CLPB: variants seen among roughly 807,000 people sequenced by gnomAD.
The protein encoded by CLPB is mitochondrial disaggregase.
CLPB carries 40 observed loss-of-function variants against 78.4 expected under a neutral mutation model. That is an observed-to-expected ratio of 0.51 (90% CI 0.40 to 0.66). The LOEUF (loss-of-function observed/expected upper bound fraction) is 0.66, where lower values mean the gene tolerates loss of function less well. Among genes scored for constraint, CLPB ranks in the 30% least tolerant of loss-of-function variants. The pLI is 0.00. For missense variants in CLPB, 780 were observed against 886.9 expected, an observed-to-expected ratio of 0.88 and a Z score of 1.53; for synonymous variants, 333 against 348.0, an observed-to-expected ratio of 0.96 and a Z score of 0.48.
chr11:72,378,944 G>C (rs1854809679), intron 4 of CLPB, among the ~76,000 whole-genome samples: 1 of 152,200 alleles, frequency 6.6e-6, no homozygotes, highest in East Asian at 1.9e-4. Context: ...GTCAAGGACA[G>C]GGAAGCCTTT....
chr11:72,434,328 C>A lies in CLPB; in HGVS notation c.147G>T (p.Arg49Ser), dbSNP rs777873235. The A allele has an allele frequency of 3.7e-6, 6 of 1,612,318 alleles. No individual in the cohort carries two copies. In the East Asian group the frequency reaches 1.1e-4, roughly 30 times the overall value. The change falls in exon 1 of 16, where the codon AGG becomes AGT. Residue 49 changes from arginine to serine, a missense_variant. Physicochemically the swap from Arg to Ser is moderately radical, Grantham distance 110. Around this residue, in one of 3 missense-constraint regions of CLPB, gnomAD observed 417 missense variants for 414.7 expected, o/e 1.01. Coordinates refer to ENST00000538039, the MANE Select transcript of CLPB (RefSeq NM_001258392.3). Reference sequence around the variant, plus strand: ...TTCCAGGGCGCCCCCCGGTGGCTACCCTCAGCCACTGCGGCTCCCCGAGAC... The same window carrying A: ...TTCCAGGGCGCCCCCCGGTGGCTACACTCAGCCACTGCGGCTCCCCGAGAC... The part of the protein sequence containing the change: ...TGSLGEPQWL[R>S]VATGGRPGTS...
chr11:72,388,949 C>T (rs1378749499), intron 3 of CLPB, among the ~76,000 whole-genome samples: 1 of 152,066 alleles, frequency 6.6e-6, no homozygotes, highest in Non-Finnish European at 1.5e-5. Flanking sequence ...CAGGGAGTGC[C>T]AAGAAGTTCA....
intron 9 of CLPB, among the ~76,000 whole-genome samples, chr11:72,306,136 C>T (rs1490940202): frequency 6.6e-6 from 1 of 152,204 alleles, no homozygotes; most frequent in Non-Finnish European, 1.5e-5. Flanking sequence ...TGGGTCTGCT[C>T]CAGGTTTGGT....
intron 2 of CLPB, among the ~76,000 whole-genome samples, chr11:72,417,736 T>TGG (rs1341837881): frequency 6.6e-6 from 1 of 152,014 alleles, no homozygotes; most frequent in Non-Finnish European, 1.5e-5. Context: ...GAAGCTAAAG[T>TGG]GGGGACCTGA....
At chr11:72,418,854 C>CAAAAA (rs913728201) in intron 2 of CLPB, among the ~76,000 whole-genome samples, 14 of 75,132 alleles carry the variant, frequency 1.9e-4, no homozygotes, top group Admixed American at 3.2e-4. Flanking sequence ...ACTCCATCTC[C>CAAAAA]AAAAAAAAAA....
At chr11:72,296,778 A>G (rs747294779) in intron 11 of CLPB, among the ~76,000 whole-genome samples, 2 of 152,204 alleles carry the variant, frequency 1.3e-5, no homozygotes, top group Non-Finnish European at 2.9e-5. Flanking sequence ...AGCGTCCGGT[A>G]CAGAGTAGGT....
chr11:72,372,489 C>G (rs920803793), intron 4 of CLPB, among the ~76,000 whole-genome samples: 1 of 152,162 alleles, frequency 6.6e-6, no homozygotes, highest in Non-Finnish European at 1.5e-5. Context: ...AGGAGTGAAG[C>G]TTAAAGTGGC....
chr11:72,405,641 C>T (rs538778062), intron 2 of CLPB, among the ~76,000 whole-genome samples: 1 of 152,202 alleles, frequency 6.6e-6, no homozygotes, highest in African/African-American at 2.4e-5. Flanking sequence ...TCAGAATCCT[C>T]TTCAAGGCCG....
chr11:72,403,049 C>T lies in CLPB; in HGVS notation c.459G>A (p.Leu153=), dbSNP rs912297401. Residue 153 remains leucine, a synonymous_variant, in exon 3 of 16, where the codon CTG becomes CTA. Coordinates refer to ENST00000538039, the MANE Select transcript of CLPB (RefSeq NM_001258392.3). Reference sequence around the variant, plus strand: ...CATTGACATCTGCACCTTCTGACAACAGCCTAAAACAAGACAGAGGAATAT... The same window carrying T: ...CATTGACATCTGCACCTTCTGACAATAGCCTAAAACAAGACAGAGGAATAT... The part of the protein sequence containing the change: ...RANNMQEVSR[L]LSEGADVNAK... 1.2e-6 allele frequency: 2 copies of T among 1,612,932 alleles called. No individual in the cohort carries two copies. The highest frequency in any genetic ancestry group is 2.7e-5 in the African/African-American group (2 of 74,902).
chr11:72,308,136 C>A (rs1415813303), intron 8 of CLPB, among the ~76,000 whole-genome samples: 2 of 152,210 alleles, frequency 1.3e-5, no homozygotes, highest in Non-Finnish European at 2.9e-5. Context: ...CATTAGGGGC[C>A]TTCTTTAGCA....
chr11:72,363,107 G>C (rs1950871452), intron 4 of CLPB, among the ~76,000 whole-genome samples: 1 of 150,592 alleles, frequency 6.6e-6, no homozygotes, highest in Admixed American at 6.7e-5. Context: ...AGTGAGCCGA[G>C]ATCACGCCAC....
At chr11:72,372,274 A>G (rs771678750) in intron 4 of CLPB, among the ~76,000 whole-genome samples, 1 of 152,226 alleles carries the variant, frequency 6.6e-6, no homozygotes, top group Non-Finnish European at 1.5e-5. Flanking sequence ...AGGAGGATGT[A>G]GAAACACAGG....
chr11:72,413,783 T>C (rs1194557075), intron 2 of CLPB, among the ~76,000 whole-genome samples: 1 of 152,216 alleles, frequency 6.6e-6, no homozygotes, highest in Non-Finnish European at 1.5e-5. Flanking sequence ...GTTTGTAGAA[T>C]ACCCTTCAAT....
At chr11:72,366,785 G>A (rs930521030) in intron 4 of CLPB, among the ~76,000 whole-genome samples, 2 of 152,208 alleles carry the variant, frequency 1.3e-5, no homozygotes, top group Admixed American at 6.5e-5. Context: ...TGGAGGGAAT[G>A]TAAATTAGTT....
rs1949425341 is a variant in CLPB, at chr11:72,289,361, A to G, written c.*4006T>C. On this transcript the variant is annotated 3_prime_UTR_variant, in exon 16 of 16. Transcript: ENST00000538039. ...TGAACCAACGGACTGACAGCCGGGCATAAGACCTCTATCTAGTAGGAATAC... is the reference window on the plus strand; with the variant it reads ...TGAACCAACGGACTGACAGCCGGGCGTAAGACCTCTATCTAGTAGGAATAC... 6.6e-6 allele frequency: 1 copy of G among 152,172 alleles called. No homozygotes were observed. Among genetic ancestry groups the G allele is most frequent in the Non-Finnish European group, 1.5e-5 (1 of 68,040 alleles). The allele number at this position is 152,172 out of a possible 1,614,324, so 9.4% of individuals were successfully genotyped here.
At chr11:72,403,327 G>A (rs1275272624) in intron 2 of CLPB, among the ~76,000 whole-genome samples, 1 of 152,078 alleles carries the variant, frequency 6.6e-6, no homozygotes, top group South Asian at 2.1e-4. Context: ...AAATCAGTCT[G>A]TCCCCCTTAT....
rs1856636073 is a variant in CLPB, at chr11:72,434,150, T to C, written c.325A>G (p.Ser109Gly). 1.2e-6 allele frequency: 2 copies of C among 1,612,798 alleles called. No individual in the cohort carries two copies. Among genetic ancestry groups the C allele is most frequent in the Admixed American group, 1.7e-5 (1 of 60,020 alleles). The change falls in exon 1 of 16, where the codon AGC (serine) becomes GGC (glycine). Residue 109 changes from serine (S) to glycine (G), a missense_variant. By Grantham distance (56) the Ser-to-Gly change is moderately conservative. Around this residue, in one of 3 missense-constraint regions of CLPB, gnomAD observed 417 missense variants for 414.7 expected, o/e 1.01. Coordinates refer to ENST00000538039, the MANE Select transcript of CLPB (RefSeq NM_001258392.3). Reference protein sequence around the residue: ...PGQDSWNGVPSRAGLGMCALA... With the variant: ...PGQDSWNGVPGRAGLGMCALA... ...GCGCACATGCCCAGTCCGGCCCTGCTGGGGACCCCGTTCCAGCTGTCCTGT... is the reference window on the plus strand; with the variant it reads ...GCGCACATGCCCAGTCCGGCCCTGCCGGGGACCCCGTTCCAGCTGTCCTGT...
chr11:72,409,470 G>A (rs914429015), intron 2 of CLPB, among the ~76,000 whole-genome samples: 1 of 152,102 alleles, frequency 6.6e-6, no homozygotes, highest in Non-Finnish European at 1.5e-5. Context: ...TGTAATCCCA[G>A]CTACTCGGGT....
intron 6 of CLPB, among the ~76,000 whole-genome samples, chr11:72,322,827 T>C (rs1447159642): frequency 6.6e-6 from 1 of 152,222 alleles, no homozygotes; most frequent in Non-Finnish European, 1.5e-5. Context: ...ATCCTGTTAC[T>C]CCTCAAACTT....
Sources: gnomAD v4.1 joint callset for allele counts (sites outside exome capture counted in the v4.1 genomes callset) on GRCh38, gnomAD v4.1.1 for gene constraint, gnomAD v4.1.1 regional missense constraint, MANE v1.5 for transcripts, NCBI Gene and HGNC (gene_info 2026-07-23, HGNC 2026-07-21) for gene names.